Variants in USP32 observed in about 807,000 individuals in gnomAD.
The protein encoded by USP32 is ubiquitin specific peptidase 32, also known as ubiquitin carboxyl-terminal hydrolase 32.
A neutral mutation model predicts 204.8 loss-of-function variants in USP32; 59 were observed. The observed-to-expected ratio is 0.29, with a 90% CI of 0.23 to 0.36. USP32 has a LOEUF of 0.36. USP32 is among the 10% of genes least tolerant of loss of function. The pLI is 1.00. For missense variants in USP32, 1,160 were observed against 1,946.4 expected (o/e 0.60, Z 7.60); for synonymous variants, 517 against 678.4 (o/e 0.76, Z 3.70).
intron 9 of USP32, among the ~76,000 whole-genome samples, chr17:60,259,972 T>C (rs527763989): frequency 6.6e-6 from 1 of 152,314 alleles, no homozygotes; most frequent in Non-Finnish European, 1.5e-5. Flanking sequence ...TAAAATTAGT[T>C]TTGTTCTATA....
At chr17:60,244,165 A>G (rs576815849) in intron 11 of USP32, among the ~76,000 whole-genome samples, 4 of 150,082 alleles carry the variant, frequency 2.7e-5, no homozygotes, top group South Asian at 2.1e-4. Context: ...CCTCCCGAGT[A>G]GCTGGGACTA....
At chr17:60,212,791 C>A (rs561146485) in intron 18 of USP32, among the ~76,000 whole-genome samples, 19 of 150,662 alleles carry the variant, frequency 1.3e-4, no homozygotes, top group African/African-American at 4.4e-4. Context: ...CTGGCTTTGT[C>A]CCCCCAGGTT....
intron 1 of USP32, among the ~76,000 whole-genome samples, chr17:60,353,422 G>A (rs2088998435): frequency 6.6e-6 from 1 of 152,158 alleles, no homozygotes; most frequent in Non-Finnish European, 1.5e-5. Flanking sequence ...TAGTACCAAT[G>A]GTAAATAGAC....
At chr17:60,334,189 T>G (rs1054208993) in intron 2 of USP32, among the ~76,000 whole-genome samples, 7 of 152,206 alleles carry the variant, frequency 4.6e-5, no homozygotes, top group Admixed American at 3.9e-4. Context: ...TTATAATATA[T>G]ATTACAGTTA....
chr17:60,190,206 C>T (rs1463152021), intron 29 of USP32, among the ~76,000 whole-genome samples: 2 of 152,160 alleles, frequency 1.3e-5, no homozygotes, highest in African/African-American at 2.4e-5. Context: ...ATCTTCTCTG[C>T]CATGTTATGA....
intron 1 of USP32, among the ~76,000 whole-genome samples, chr17:60,349,621 ATAT>A (rs1298482072): frequency 1.2e-4 from 9 of 72,378 alleles, no homozygotes; most frequent in African/African-American, 4.7e-4. Context: ...ATATATATAT[ATAT>A]TATATATATA....
intron 26 of USP32, among the ~76,000 whole-genome samples, chr17:60,202,347 A>G (rs1400654374): frequency 6.6e-6 from 1 of 152,102 alleles, no homozygotes; most frequent in Non-Finnish European, 1.5e-5. Flanking sequence ...GATGATATCC[A>G]ATCTTGATGA....
At chr17:60,392,186 CCTCT>C (rs2089852787), upstream of USP32, 2 of 539,378 alleles carry the variant, frequency 3.7e-6, no homozygotes, top group African/African-American at 2.0e-5. Context: ...CCTTCTCTCT[CCTCT>C]CTCTCCTCCC....
chr17:60,320,023 A>G (rs867906854), intron 2 of USP32, among the ~76,000 whole-genome samples: 7 of 152,284 alleles, frequency 4.6e-5, no homozygotes, highest in African/African-American at 1.7e-4. Flanking sequence ...TATCTTCAAT[A>G]TCAGCATTGG....
intron 2 of USP32, among the ~76,000 whole-genome samples, chr17:60,320,786 A>G (rs550866456): frequency 1.3e-5 from 2 of 152,330 alleles, no homozygotes; most frequent in South Asian, 4.1e-4. Context: ...GGTAATAAGC[A>G]ATAAAACTAG....
chr17:60,410,946 G>A (rs2090013254), intron 1 of USP32, among the ~76,000 whole-genome samples: 1 of 151,716 alleles, frequency 6.6e-6, no homozygotes, highest in African/African-American at 2.4e-5. Flanking sequence ...AGGCATGGTG[G>A]CACGTGCCTG....
chr17:60,364,489 C>T (rs2089275829), intron 1 of USP32, among the ~76,000 whole-genome samples: 3 of 152,302 alleles, frequency 2.0e-5, no homozygotes, highest in African/African-American at 4.8e-5. Context: ...AAGTAACTTT[C>T]GTGCCTCAGC....
chr17:60,399,387 G>T (rs757449507), intron 1 of USP32, among the ~76,000 whole-genome samples: 5 of 152,240 alleles, frequency 3.3e-5, no homozygotes, highest in South Asian at 2.1e-4. Flanking sequence ...GGGCATGGTG[G>T]CTCATACTTG....
rs576069967 is a variant in USP32 at position 60,351,019 on chromosome 17, A to G, written c.59-5411T>C. 2.6e-5 allele frequency among the ~76,000 whole-genome samples: 4 copies of G among 152,308 alleles called. No homozygotes were observed. The South Asian group carries it at 8.3e-4, about 32-fold the overall frequency. ...GGTCACTGACCTAAGCCAACCCAAG[A>G]AAGTTAAAACCTAGCAGCTGAGAAA... is the stretch of plus-strand genomic sequence containing the variant. On this transcript the variant is annotated intron_variant, in intron 1 of 33. Transcript: ENST00000300896.
chr17:60,263,754 G>C (rs1291741299), intron 9 of USP32, among the ~76,000 whole-genome samples: 1 of 152,210 alleles, frequency 6.6e-6, no homozygotes, highest in Non-Finnish European at 1.5e-5. Context: ...AGAGGAGAAA[G>C]AAGGGGACTG....
At chr17:60,370,764 CAAAAAAAAAA>C (rs112650493) in intron 1 of USP32, among the ~76,000 whole-genome samples, 1 of 72,714 alleles carries the variant, frequency 1.4e-5, no homozygotes, top group African/African-American at 3.7e-5. Context: ...GCTACTGTCT[CAAAAAAAAAA>C]AAAAAAAAAG....
At chr17:60,353,891 T>C (rs1359590104) in intron 1 of USP32, among the ~76,000 whole-genome samples, 1 of 152,214 alleles carries the variant, frequency 6.6e-6, no homozygotes, top group Non-Finnish European at 1.5e-5. Flanking sequence ...ACAACGCTCA[T>C]TGTCATGCTC....
At position 60,301,617 on chromosome 17, in the gene USP32, C is replaced by T. The variant is rs756903827; in HGVS notation, c.274G>A (p.Asp92Asn). 1 of 1,589,794 alleles carries T rather than the reference C, an allele frequency of 6.3e-7. No homozygotes were observed. The highest frequency in any genetic ancestry group is 1.2e-5 in the South Asian group (1 of 85,988). Residue 92 changes from aspartate (D) to asparagine (N), a missense_variant, in exon 3 of 34, where the codon GAT becomes AAT. Coordinates refer to ENST00000300896, the MANE Select transcript of USP32 (RefSeq NM_032582.4). ...VGLVLLTRGK[D>N]EEKAKYIFSL... Reference sequence around the variant, plus strand: ...TACTTACATTTTGCTTTCTCTTCATCTTTGCCTCTTGTAAGGAGGACAAGT... The same window carrying T: ...TACTTACATTTTGCTTTCTCTTCATTTTTGCCTCTTGTAAGGAGGACAAGT...
intron 1 of USP32, among the ~76,000 whole-genome samples, chr17:60,388,423 A>AG (rs1371554233): frequency 6.6e-6 from 1 of 152,194 alleles, no homozygotes; most frequent in Non-Finnish European, 1.5e-5. Flanking sequence ...AAGATGTCTT[A>AG]GAGTTCTAAA....
Sources: gnomAD v4.1 joint callset for allele counts (sites outside exome capture counted in the v4.1 genomes callset) on GRCh38, gnomAD v4.1.1 for gene constraint, MANE v1.5 for transcripts, NCBI Gene and HGNC (gene_info 2026-07-23, HGNC 2026-07-21) for gene names.